The following NLGN1 variants were observed in gnomAD, a reference collection of about 807,000 sequenced individuals.
The protein encoded by NLGN1 is neuroligin-1.
NLGN1 carries 12 observed loss-of-function variants against 65.5 expected under a neutral mutation model. That is an observed-to-expected ratio of 0.18 (90% CI 0.12 to 0.30). The LOEUF is 0.30. Ranked by LOEUF, NLGN1 falls within the 10% of genes least tolerant of loss-of-function variation. The probability of loss-of-function intolerance (pLI) is 1.00; values close to 1 mark genes in which losing one functional copy is unlikely to be tolerated. For missense variants in NLGN1, 750 were observed against 1,007.1 expected, an observed-to-expected ratio of 0.74 and a Z score of 3.46; for synonymous variants, 350 against 359.5, an observed-to-expected ratio of 0.97 and a Z score of 0.30.
chr3:173,413,886 A>G (rs1032829496), intron 1 of NLGN1, among the ~76,000 whole-genome samples: 1 of 152,198 alleles, frequency 6.6e-6, no homozygotes, highest in Non-Finnish European at 1.5e-5. Context: ...GAAAGGAAGC[A>G]GCAGTGGTTG....
intron 4 of NLGN1, among the ~76,000 whole-genome samples, chr3:173,903,915 T>C (rs1449514212): frequency 3.9e-5 from 6 of 152,178 alleles, no homozygotes; most frequent in African/African-American, 1.2e-4. Flanking sequence ...AAAATACTTG[T>C]AGTCTTTTTT....
intron 2 of NLGN1, among the ~76,000 whole-genome samples, chr3:173,453,137 T>C (rs1721916105): frequency 6.6e-6 from 1 of 151,956 alleles, no homozygotes; most frequent in African/African-American, 2.4e-5. Context: ...TATTTTCTTT[T>C]TTCATGGGCT....
At position 173,640,648 on chromosome 3, in the gene NLGN1, C is replaced by T. The variant is rs373235487; in HGVS notation, c.493+35557C>T. ...ACCCAAGTAGTGTTTTTTATAACTT[C>T]GGTGTTTGAATTTTCCATCCAGGAG... On this transcript the variant is annotated intron_variant, in intron 3 of 6. Coordinates refer to ENST00000457714, the Ensembl canonical transcript of NLGN1. 1.5e-3 allele frequency among the ~76,000 whole-genome samples: 228 copies of T among 152,210 alleles called. 2 individuals carry two copies. Among genetic ancestry groups the T allele is most frequent in the African/African-American group, 4.5e-3 (185 of 41,560 alleles).
intron 4 of NLGN1, among the ~76,000 whole-genome samples, chr3:174,073,397 T>G (rs1218476661): frequency 6.6e-6 from 1 of 152,136 alleles, no homozygotes; most frequent in Non-Finnish European, 1.5e-5. Flanking sequence ...GGGGGGGCAC[T>G]TTAGCATATG....
In NLGN1 at chr3:174,211,113, GCA is replaced by G. The variant is rs529321675; in HGVS notation, c.647-64201_647-64200del. ...CTCAGGAGTGAAGCTGCAGATCTTCGCAGTGAGTGTTACAGCTCATAAAAGCA... is the reference window on the plus strand; with the variant it reads ...CTCAGGAGTGAAGCTGCAGATCTTCGGTGAGTGTTACAGCTCATAAAAGCA... On this transcript the variant is annotated intron_variant, in intron 4 of 6. Transcript: ENST00000457714. Among the ~76,000 whole-genome samples, 46 of 152,266 alleles carry G rather than the reference GCA, an allele frequency of 3.0e-4. No individual in the cohort carries two copies. In the South Asian group the frequency reaches 9.1e-3, roughly 30 times the overall value.
In NLGN1 at chr3:174,118,078, CCAGT is replaced by C. The variant is rs139498838; in HGVS notation, c.647-157234_647-157231del. ...GTTGATTTTTCATCTACTTTAGAAACCAGTCATTTTTCTCTCTTATTTTTATTTT... is the reference window on the plus strand; with the variant it reads ...GTTGATTTTTCATCTACTTTAGAAACCATTTTTCTCTCTTATTTTTATTTT... On this transcript the variant is annotated intron_variant, in intron 4 of 6. Coordinates refer to ENST00000457714, the Ensembl canonical transcript of NLGN1. Among the ~76,000 whole-genome samples the C allele has an allele frequency of 1.5e-3, 234 of 152,156 alleles. 1 individual carries two copies. Among genetic ancestry groups the C allele is most frequent in the African/African-American group, 5.4e-3 (224 of 41,516 alleles).
At chr3:174,276,881 G>T (rs1750689166) in intron 5 of NLGN1, among the ~76,000 whole-genome samples, 1 of 151,536 alleles carries the variant, frequency 6.6e-6, no homozygotes, top group Non-Finnish European at 1.5e-5. Context: ...TTTTACTAAT[G>T]CCACTATGTA....
intron 3 of NLGN1, among the ~76,000 whole-genome samples, chr3:173,708,029 A>T (rs1239399068): frequency 6.6e-6 from 1 of 152,210 alleles, no homozygotes; most frequent in Non-Finnish European, 1.5e-5. Flanking sequence ...TGACAGGTAA[A>T]GCTCCTTACA....
intron 4 of NLGN1, among the ~76,000 whole-genome samples, chr3:173,865,846 A>G (rs1730053938): frequency 6.6e-6 from 1 of 152,220 alleles, no homozygotes; most frequent in South Asian, 2.1e-4. Flanking sequence ...GGGAGGAAAT[A>G]TGATGAAGAA....
chr3:173,762,838 A>G (rs1778182084), intron 3 of NLGN1, among the ~76,000 whole-genome samples: 2 of 152,008 alleles, frequency 1.3e-5, no homozygotes, highest in Admixed American at 1.3e-4. Flanking sequence ...AAGGAGGAAG[A>G]GGGAGAAAGG....
chr3:173,520,906 G>A (rs865819507), intron 2 of NLGN1, among the ~76,000 whole-genome samples: 1 of 152,134 alleles, frequency 6.6e-6, no homozygotes, highest in Non-Finnish European at 1.5e-5. Flanking sequence ...TGGCCACCTC[G>A]GTTGGCAGCA....
chr3:174,049,414 G>C lies in NLGN1; in HGVS notation c.647-225901G>C, dbSNP rs146651581. Among the ~76,000 whole-genome samples, 7 of 152,138 alleles carry C rather than the reference G, an allele frequency of 4.6e-5. No individual in the cohort carries two copies. The East Asian group carries it at 7.7e-4, about 17-fold the overall frequency. ...TTATAGATAGGACAAAGGAGAAAAG[G>C]GTTGAGCAGGGATAAGCTGGGATGG... On this transcript the variant is annotated intron_variant, in intron 4 of 6. Transcript: ENST00000457714.
rs557265753 is a variant in NLGN1 at position 174,244,225 on chromosome 3, T to C, written c.647-31090T>C. On this transcript the variant is annotated intron_variant, in intron 4 of 6. Coordinates refer to ENST00000457714, the Ensembl canonical transcript of NLGN1. ...TAAAAAGTTTATGTTCTTAGTCATATGTTCTAGATTCTGAAAGAAGAAAGT... is the reference window on the plus strand; with the variant it reads ...TAAAAAGTTTATGTTCTTAGTCATACGTTCTAGATTCTGAAAGAAGAAAGT... Among the ~76,000 whole-genome samples, 8 of 152,342 alleles carry C rather than the reference T, an allele frequency of 5.3e-5. No individual in the cohort carries two copies. The South Asian group carries it at 1.0e-3, about 20-fold the overall frequency.
chr3:173,661,860 T>C (rs1323910669), intron 3 of NLGN1, among the ~76,000 whole-genome samples: 1 of 152,066 alleles, frequency 6.6e-6, no homozygotes, highest in Non-Finnish European at 1.5e-5. Flanking sequence ...GTTTATACCA[T>C]GAGCATGGTA....
At chr3:173,805,293 A>G (rs901547931) in intron 3 of NLGN1, among the ~76,000 whole-genome samples, 1 of 152,208 alleles carries the variant, frequency 6.6e-6, no homozygotes, top group Non-Finnish European at 1.5e-5. Flanking sequence ...AGAACACAGC[A>G]TAAGAATACT....
At chr3:173,754,906 C>T (rs989857063) in intron 3 of NLGN1, among the ~76,000 whole-genome samples, 17 of 152,108 alleles carry the variant, frequency 1.1e-4, no homozygotes, top group African/African-American at 3.6e-4. Flanking sequence ...ACAACAATTC[C>T]AGTATTTGTC....
chr3:173,792,821 G>A (rs137976489), intron 3 of NLGN1, among the ~76,000 whole-genome samples: 16 of 152,184 alleles, frequency 1.1e-4, no homozygotes, highest in Admixed American at 3.9e-4. Flanking sequence ...TCTGCACTGC[G>A]TTTTTAAAAA....
At chr3:173,575,525 C>T (rs188964847) in intron 2 of NLGN1, among the ~76,000 whole-genome samples, 101 of 152,230 alleles carry the variant, frequency 6.6e-4, no homozygotes, top group Admixed American at 2.2e-3. Flanking sequence ...GTTCAAACAC[C>T]ATTCTTCCCT....
chr3:173,476,970 TAAAG>T (rs896936880), intron 2 of NLGN1, among the ~76,000 whole-genome samples: 3 of 151,942 alleles, frequency 2.0e-5, no homozygotes, highest in African/African-American at 7.3e-5. Flanking sequence ...CTGATTAAGA[TAAAG>T]AAGGAAGGGA....
Sources: allele counts gnomAD v4.1 joint callset (sites outside exome capture counted in the v4.1 genomes callset), GRCh38; gene constraint gnomAD v4.1.1; transcripts MANE v1.5; gene names NCBI Gene and HGNC (gene_info 2026-07-23, HGNC 2026-07-21).